Variants in SGCD observed in about 807,000 individuals in gnomAD.
SGCD encodes the protein sarcoglycan delta.
In SGCD, 18 loss-of-function variants were observed where a neutral mutation model predicts 36.6. The ratio of observed to expected loss-of-function variants is 0.49; its 90% CI spans 0.34 to 0.73. The LOEUF is 0.73. SGCD is among the 30% of genes least tolerant of loss of function. The probability of loss-of-function intolerance (pLI) is 0.01; values close to 1 mark genes in which losing one functional copy is unlikely to be tolerated. For missense variants in SGCD, 387 were observed against 346.7 expected (o/e 1.12, Z -0.92); for synonymous variants, 133 against 130.6 (o/e 1.02, Z -0.12).
chr5:156,506,402 C>T (rs778892240), intron 3 of SGCD, among the ~76,000 whole-genome samples: 16 of 151,992 alleles, frequency 1.1e-4, no homozygotes, highest in Non-Finnish European at 1.0e-4. Context: ...TTTCCAGTTC[C>T]GTCCGCAGAA....
chr5:156,515,595 G>T lies in SGCD; in HGVS notation c.294+6893G>T, dbSNP rs6865206. On this transcript the variant is annotated intron_variant, in intron 4 of 8. Transcript: ENST00000337851. The stretch of plus-strand genomic sequence containing the variant: ...CCAGCCAAAGGAGCAGAGAGCGATT[G>T]TGCTACCCTGCCAAGGAAACCAAGA... 1.9e-3 allele frequency among the ~76,000 whole-genome samples: 285 copies of T among 152,330 alleles called. 5 individuals are homozygous for T. The highest frequency in any genetic ancestry group is 6.4e-3 in the African/African-American group (268 of 41,578).
intron 6 of SGCD, among the ~76,000 whole-genome samples, chr5:156,613,287 A>G (rs981223368): frequency 1.3e-5 from 2 of 152,232 alleles, no homozygotes; most frequent in African/African-American, 2.4e-5. Flanking sequence ...GGACTCATCA[A>G]ATCCTGAAAT....
rs963429752 is a variant in SGCD, at chr5:156,071,562, G to A, written c.-281-46316G>A. ...AGCTTTACTTCCAACTATGTGGTCA[G>A]TTTTGGAATAGGTGTGGTGTGTTGC... On this transcript the variant is annotated intron_variant, in intron 1 of 9. Coordinates refer to the SGCD transcript ENST00000517913. Among the ~76,000 whole-genome samples, 55 of 152,198 alleles carry A rather than the reference G, an allele frequency of 3.6e-4. 2 individuals carry two copies. Among genetic ancestry groups the A allele is most frequent in the Admixed American group, 2.1e-3 (32 of 15,282 alleles).
intron 1 of SGCD, among the ~76,000 whole-genome samples, chr5:156,037,368 A>G (rs1053471830): frequency 2.0e-5 from 3 of 152,286 alleles, no homozygotes; most frequent in Admixed American, 2.0e-4. Flanking sequence ...CTGATAAAAC[A>G]GTGCAGCTGC....
At chr5:155,958,047 C>T (rs1193809305) in intron 1 of SGCD, among the ~76,000 whole-genome samples, 2 of 152,042 alleles carry the variant, frequency 1.3e-5, no homozygotes, top group South Asian at 2.1e-4. Flanking sequence ...AGAGAGACAA[C>T]GTTATGAATG....
At chr5:156,751,200 G>C (rs192949497) in intron 7 of SGCD, among the ~76,000 whole-genome samples, 2 of 152,142 alleles carry the variant, frequency 1.3e-5, no homozygotes, top group Non-Finnish European at 2.9e-5. Context: ...CCCCAAAAGA[G>C]AGCCATAAAG....
At chr5:156,034,370 A>G (rs370061604) in intron 1 of SGCD, among the ~76,000 whole-genome samples, 12 of 152,220 alleles carry the variant, frequency 7.9e-5, no homozygotes, top group East Asian at 7.7e-4. Context: ...ATAAAGTACC[A>G]GAAGATATAT....
chr5:156,299,972 A>T (rs1382102976), intron 3 of SGCD, among the ~76,000 whole-genome samples: 1 of 152,042 alleles, frequency 6.6e-6, no homozygotes, highest in African/African-American at 2.4e-5. Context: ...TACCATGTTG[A>T]ATAACAGTGG....
intron 3 of SGCD, among the ~76,000 whole-genome samples, chr5:156,351,818 C>T (rs1339175782): frequency 4.6e-5 from 7 of 152,036 alleles, no homozygotes; most frequent in East Asian, 1.9e-4. Context: ...AGTAGAGATT[C>T]GAACCCAAGC....
intron 3 of SGCD, among the ~76,000 whole-genome samples, chr5:156,390,829 T>C (rs934521054): frequency 1.3e-5 from 2 of 152,212 alleles, no homozygotes; most frequent in South Asian, 4.1e-4. Flanking sequence ...AGCTGTATGA[T>C]GCATTTGTGC....
chr5:155,878,181 A>T (rs374751153), intron 1 of SGCD, among the ~76,000 whole-genome samples: 1 of 152,126 alleles, frequency 6.6e-6, no homozygotes, highest in East Asian at 1.9e-4. Flanking sequence ...AACAACAAAA[A>T]AGTGATATAA....
the SGCD span, among the ~76,000 whole-genome samples, chr5:155,856,594 C>T: frequency 6.6e-6 from 1 of 151,854 alleles, no homozygotes; most frequent in African/African-American, 2.4e-5. Context: ...AATTTTAAAT[C>T]ACAGATCCGA....
intron 6 of SGCD, among the ~76,000 whole-genome samples, chr5:156,641,348 A>T (rs537867446): frequency 6.6e-6 from 1 of 152,194 alleles, no homozygotes; most frequent in Non-Finnish European, 1.5e-5. Context: ...TATATCTCAC[A>T]TATGTTGGAA....
chr5:155,828,202 G>T, the SGCD span, among the ~76,000 whole-genome samples: 1 of 152,090 alleles, frequency 6.6e-6, no homozygotes, highest in Non-Finnish European at 1.5e-5. Flanking sequence ...TATCTACGGG[G>T]TTATGCTCTT....
At chr5:156,452,161 T>A (rs1754050152) in intron 3 of SGCD, among the ~76,000 whole-genome samples, 1 of 152,134 alleles carries the variant, frequency 6.6e-6, no homozygotes, top group Non-Finnish European at 1.5e-5. Context: ...CCACCGTGCT[T>A]CAGCTGCATT....
At chr5:156,609,610 A>T (rs1419477248) in intron 6 of SGCD, among the ~76,000 whole-genome samples, 3 of 152,208 alleles carry the variant, frequency 2.0e-5, no homozygotes, top group Non-Finnish European at 4.4e-5. Flanking sequence ...AGATTGGGGA[A>T]GTTCTCCTGG....
At chr5:156,642,513 A>G (rs1252053348) in intron 6 of SGCD, among the ~76,000 whole-genome samples, 1 of 123,286 alleles carries the variant, frequency 8.1e-6, no homozygotes, top group Non-Finnish European at 1.6e-5. Flanking sequence ...TCTGTCTCCC[A>G]GGCTAGAGGG....
At chr5:156,488,492 G>A (rs1055412154) in intron 3 of SGCD, among the ~76,000 whole-genome samples, 2 of 151,670 alleles carry the variant, frequency 1.3e-5, no homozygotes, top group Non-Finnish European at 2.9e-5. Context: ...GGAGAGAATG[G>A]GATGATACAT....
At chr5:155,873,460 G>T (rs1181143082) in intron 1 of SGCD, among the ~76,000 whole-genome samples, 1 of 152,092 alleles carries the variant, frequency 6.6e-6, no homozygotes, top group African/African-American at 2.4e-5. Context: ...ACTTATAAAT[G>T]TCAGATAAAT....
Sources: gnomAD v4.1 joint callset for allele counts (sites outside exome capture counted in the v4.1 genomes callset) on GRCh38, gnomAD v4.1.1 for gene constraint, MANE v1.5 for transcripts, NCBI Gene and HGNC (gene_info 2026-07-23, HGNC 2026-07-21) for gene names.